ADAM21: variants seen among roughly 807,000 people sequenced by gnomAD.
ADAM21 encodes ADAM metallopeptidase domain 21.
For missense variants in ADAM21, 678 were observed against 874.4 expected (o/e 0.78, Z 2.83); for synonymous variants, 262 against 306.0 (o/e 0.86, Z 1.50).
Position 70,457,346 on chromosome 14 carries a change from C to A in ADAM21, c.-151-3C>A. On this transcript the variant is annotated splice_polypyrimidine_tract_variant and splice_region_variant and intron_variant, in intron 1 of 1. Coordinates refer to ENST00000603540, the MANE Select transcript of ADAM21 (RefSeq NM_003813.4). ...CAACCCATCTTTTTATTTTTACTTC[C>A]AGCACTGCAGTTCTGATCTAACTCT... is the stretch of plus-strand genomic sequence containing the variant. 1 of 1,094,934 alleles carries A rather than the reference C, an allele frequency of 9.1e-7. No individual in the cohort carries two copies. The highest frequency in any genetic ancestry group is 2.4e-5 in the Admixed American group (1 of 41,622). The allele number at this position is 1,094,934 out of a possible 1,614,324, so 67.8% of individuals were successfully genotyped here.
intron 1 of ADAM21, among the ~76,000 whole-genome samples, chr14:70,456,147 A>C (rs1181382738): frequency 1.3e-5 from 2 of 152,162 alleles, no homozygotes; most frequent in African/African-American, 4.8e-5. Context: ...CCTCAGCAAA[A>C]AAAGTCATGA....
intron 1 of ADAM21, among the ~76,000 whole-genome samples, chr14:70,456,497 A>T (rs1393782453): frequency 2.0e-5 from 3 of 152,180 alleles, no homozygotes; most frequent in Non-Finnish European, 4.4e-5. Context: ...TTGCCCTAAT[A>T]AGAAAAGAGT....
At chr14:70,452,654 C>A (rs892042209) in intron 1 of ADAM21, among the ~76,000 whole-genome samples, 4 of 152,218 alleles carry the variant, frequency 2.6e-5, no homozygotes, top group African/African-American at 9.6e-5. Flanking sequence ...GCGTGAGCCA[C>A]CGCGCCCGGC....
At chr14:70,452,782 C>G (rs926026056) in intron 1 of ADAM21, among the ~76,000 whole-genome samples, 5 of 152,134 alleles carry the variant, frequency 3.3e-5, no homozygotes, top group African/African-American at 1.2e-4. Context: ...AGTTTTAAAA[C>G]CAGGACAGTC....
Position 70,452,270 on chromosome 14 carries a change from C to A in ADAM21, c.-152+7C>A, listed in dbSNP as rs1291874437. The A allele has an allele frequency of 1.3e-5, 2 of 152,166 alleles. No individual in the cohort carries two copies. Among genetic ancestry groups the A allele is most frequent in the African/African-American group, 4.8e-5 (2 of 41,436 alleles). 9.4% of individuals were successfully genotyped at this position (152,166 alleles called of 1,614,324 possible). A position where few individuals can be genotyped will look rare whatever the true frequency, so the allele number is the denominator to read the frequency against. On this transcript the variant is annotated splice_region_variant and intron_variant, in intron 1 of 1. Transcript: ENST00000603540. Reference sequence around the variant, plus strand: ...ACTACTGTTTCTTCTGATGGTAAGTCATTCATAAAGTTTGGTTCTATGCAT... The same window carrying A: ...ACTACTGTTTCTTCTGATGGTAAGTAATTCATAAAGTTTGGTTCTATGCAT...
rs773176656 is a variant in ADAM21, at chr14:70,457,897, G to C, written c.398G>C (p.Arg133Pro). The C allele has an allele frequency of 8.7e-6, 14 of 1,613,928 alleles. No homozygotes were observed. The Admixed American group carries it at 2.3e-4, about 27-fold the overall frequency. Residue 133 changes from arginine to proline, a missense_variant, in exon 2 of 2, where the codon CGA (arginine) becomes CCA (proline). Coordinates refer to ENST00000603540, the MANE Select transcript of ADAM21 (RefSeq NM_003813.4). ...VVFSACFGGF[R>P]GVLKISGLTY... is the part of the protein sequence containing the mutation. ...TTCAGTGCTTGTTTTGGGGGCTTTC[G>C]AGGAGTATTAAAAATAAGTGGCCTC...
At chr14:70,456,027 CATATT>C (rs1229681595) in intron 1 of ADAM21, among the ~76,000 whole-genome samples, 4 of 152,084 alleles carry the variant, frequency 2.6e-5, no homozygotes, top group African/African-American at 9.7e-5. Context: ...TGGTTTTGAT[CATATT>C]ATATTATAAT....
At position 70,458,499 on chromosome 14, in the gene ADAM21, C is replaced by G; in HGVS notation, c.1000C>G (p.Leu334Val). The change falls in exon 2 of 2, where the codon CTT becomes GTT. Residue 334 changes from leucine to valine, a missense_variant. Physicochemically the swap from Leu to Val is conservative, Grantham distance 32 (BLOSUM62 1). Coordinates refer to ENST00000603540, the MANE Select transcript of ADAM21 (RefSeq NM_003813.4). ...TAATTTTCAAGGAGATACCTGGTCT[C>G]TTTTTGCCAACACTGTGGCCCATGA... ...VDNFQGDTWS[L>V]FANTVAHELG... is the part of the protein sequence containing the mutation. 2 of 1,613,788 alleles carry G rather than the reference C, an allele frequency of 1.2e-6. No homozygotes were observed. Among genetic ancestry groups the G allele is most frequent in the Non-Finnish European group, 1.7e-6 (2 of 1,179,958 alleles).
At chr14:70,455,263 G>A (rs1476390278) in intron 1 of ADAM21, among the ~76,000 whole-genome samples, 1 of 152,150 alleles carries the variant, frequency 6.6e-6, no homozygotes, top group Non-Finnish European at 1.5e-5. Context: ...GGTCAGGCAT[G>A]TTCATTTTTA....
At chr14:70,456,814 A>T (rs1401467588) in intron 1 of ADAM21, among the ~76,000 whole-genome samples, 1 of 152,230 alleles carries the variant, frequency 6.6e-6, no homozygotes, top group Non-Finnish European at 1.5e-5. Flanking sequence ...AAAATCATAA[A>T]CCCTGCAGTC....
Position 70,456,852 on chromosome 14 carries a change from G to A in ADAM21, c.-151-497G>A, listed in dbSNP as rs572343918. 5.3e-5 allele frequency among the ~76,000 whole-genome samples: 8 copies of A among 152,238 alleles called. No individual in the cohort carries two copies. In the South Asian group the frequency reaches 1.5e-3, roughly 28 times the overall value. On this transcript the variant is annotated intron_variant, in intron 1 of 1. Transcript: ENST00000603540. ...GAATCTTTCAGTCTAATGAAGTTAT[G>A]AGTAAAGATGAATACAATGAGGAAT...
At chr14:70,455,814 T>A (rs1401573615) in intron 1 of ADAM21, among the ~76,000 whole-genome samples, 1 of 152,184 alleles carries the variant, frequency 6.6e-6, no homozygotes, top group Non-Finnish European at 1.5e-5. Flanking sequence ...TAATTAAATT[T>A]ACTATTGTCA....
Position 70,459,041 on chromosome 14 carries a change from C to G in ADAM21, c.1542C>G (p.Cys514Trp). Residue 514 changes from cysteine (C) to tryptophan (W), a missense_variant, in exon 2 of 2, where the codon TGC becomes TGG. Physicochemically the swap from Cys to Trp is radical, Grantham distance 215. Transcript: ENST00000603540. Reference sequence around the variant, plus strand: ...GGTGTAATAACCATGACCAGCATTGCAGGGAGATTTTTGGTAAAGATGCAA... The same window carrying G: ...GGTGTAATAACCATGACCAGCATTGGAGGGAGATTTTTGGTAAAGATGCAA... ...QKRCNNHDQH[C>W]REIFGKDAKS... 6.2e-7 allele frequency: 1 copy of G among 1,613,904 alleles called. No homozygotes were observed. The highest frequency in any genetic ancestry group is 1.7e-4 in the Middle Eastern group (1 of 6,058).
intron 1 of ADAM21, among the ~76,000 whole-genome samples, chr14:70,454,454 G>A (rs1285443231): frequency 2.0e-5 from 3 of 152,166 alleles, no homozygotes; most frequent in African/African-American, 7.2e-5. Flanking sequence ...TTGGCATACA[G>A]TGCTTGAAGG....
In ADAM21 at chr14:70,458,640, G is replaced by A. The variant is rs372372574; in HGVS notation, c.1141G>A (p.Ala381Thr). 38 of 1,613,508 alleles carry A rather than the reference G, an allele frequency of 2.4e-5. 1 individual carries two copies. The highest frequency in any genetic ancestry group is 1.6e-4 in the Middle Eastern group (1 of 6,084). ...PAEKFTNCSY[A>T]DFMKTTLNQG... ...AGAGAAATTCACCAATTGCAGTTAC[G>A]CTGATTTTATGAAGACCACCTTAAA... The change falls in exon 2 of 2, where the codon GCT becomes ACT. Residue 381 changes from alanine to threonine, a missense_variant. By Grantham distance (58) the Ala-to-Thr change is moderately conservative (BLOSUM62 0). Transcript: ENST00000603540.
chr14:70,458,842 T>A lies in ADAM21; in HGVS notation c.1343T>A (p.Phe448Tyr), dbSNP rs201068485. Residue 448 changes from phenylalanine to tyrosine, a missense_variant, in exon 2 of 2, where the codon TTT (phenylalanine) becomes TAT (tyrosine). Physicochemically the swap from Phe to Tyr is conservative, Grantham distance 22. Transcript: ENST00000603540. ...CTLRPGAACA[F>Y]GLCCKDCKFM... ...CTAAGGCCTGGGGCTGCCTGTGCTT[T>A]TGGGCTTTGTTGCAAAGACTGCAAG... 300 of 1,614,164 alleles carry A rather than the reference T, an allele frequency of 1.9e-4. 5 individuals carry two copies. In the South Asian group the frequency reaches 3.0e-3, roughly 16 times the overall value.
intron 1 of ADAM21, among the ~76,000 whole-genome samples, chr14:70,452,603 T>C (rs2139482036): frequency 6.6e-6 from 1 of 152,274 alleles, no homozygotes; most frequent in South Asian, 2.1e-4. Flanking sequence ...CCTGACCTCG[T>C]GATCCGCCCT....
rs1224953619 is a variant in ADAM21, at chr14:70,459,565, T to C, written c.2066T>C (p.Ile689Thr). 2 of 1,614,166 alleles carry C rather than the reference T, an allele frequency of 1.2e-6. No homozygotes were observed. The highest frequency in any genetic ancestry group is 1.7e-6 in the Non-Finnish European group (2 of 1,180,014). ...KRGVFLPLIV[I>T]PSLSVLTFLF... is the part of the protein sequence containing the mutation. ...GGAGTTTTTTTGCCGCTGATTGTGA[T>C]TCCTTCTTTGTCTGTTTTGACTTTC... The change falls in exon 2 of 2, where the codon ATT becomes ACT. Residue 689 changes from isoleucine (I) to threonine (T), a missense_variant. Transcript: ENST00000603540.
intron 1 of ADAM21, among the ~76,000 whole-genome samples, chr14:70,456,286 G>C (rs1411165020): frequency 6.6e-6 from 1 of 151,976 alleles, no homozygotes; most frequent in Non-Finnish European, 1.5e-5. Context: ...CTAATATCTA[G>C]CACAATGTCC....
Sources: gnomAD v4.1 joint callset for allele counts (sites outside exome capture counted in the v4.1 genomes callset) on GRCh38, gnomAD v4.1.1 for gene constraint, MANE v1.5 for transcripts, NCBI Gene and HGNC (gene_info 2026-07-23, HGNC 2026-07-21) for gene names.